The following ZMAT4 variants were observed in gnomAD, a reference collection of about 807,000 sequenced individuals.
ZMAT4 encodes the protein zinc finger matrin-type 4.
In ZMAT4, 17 loss-of-function variants were observed where a neutral mutation model predicts 28.7. The observed-to-expected ratio is 0.59, with a 90% confidence interval of 0.41 to 0.89. The LOEUF (loss-of-function observed/expected upper bound fraction) is 0.89, where lower values mean the gene tolerates loss of function less well. Among genes scored for constraint, ZMAT4 ranks in the 40% least tolerant of loss-of-function variants. The pLI, the probability that ZMAT4 is intolerant of heterozygous loss-of-function variation, is 0.00. For synonymous variants in ZMAT4, 117 were observed against 109.2 expected, an observed-to-expected ratio of 1.07 and a Z score of -0.44; for missense variants, 240 against 283.8, an observed-to-expected ratio of 0.85 and a Z score of 1.11.
At chr8:40,631,205 C>A (rs949011242) in intron 5 of ZMAT4, among the ~76,000 whole-genome samples, 1 of 152,166 alleles carries the variant, frequency 6.6e-6, no homozygotes, top group Non-Finnish European at 1.5e-5. Context: ...CAGAGTCTCA[C>A]TCTCTCGCCC....
intron 1 of ZMAT4, among the ~76,000 whole-genome samples, chr8:40,873,666 G>T (rs1817940575): frequency 6.6e-6 from 1 of 152,170 alleles, no homozygotes; most frequent in South Asian, 2.1e-4. Context: ...TGCCTGCCAT[G>T]CTCTGCCCAT....
At chr8:40,651,610 G>A (rs1469000001) in intron 5 of ZMAT4, among the ~76,000 whole-genome samples, 62 of 147,522 alleles carry the variant, frequency 4.2e-4, no homozygotes, top group African/African-American at 1.2e-3. Flanking sequence ...AAAAGAGCCC[G>A]CATCGCCAAG....
intron 1 of ZMAT4, among the ~76,000 whole-genome samples, chr8:40,838,060 G>A (rs1053985203): frequency 6.6e-6 from 1 of 152,226 alleles, no homozygotes; most frequent in East Asian, 1.9e-4. Context: ...AAGTCGCAGG[G>A]TCTTGTCACC....
At chr8:40,738,276 A>G (rs1354084766) in intron 3 of ZMAT4, among the ~76,000 whole-genome samples, 1 of 152,186 alleles carries the variant, frequency 6.6e-6, no homozygotes, top group Non-Finnish European at 1.5e-5. Flanking sequence ...ACATTTCTTG[A>G]GAAAATGACT....
At chr8:40,739,769 T>C (rs567268505) in intron 3 of ZMAT4, among the ~76,000 whole-genome samples, 37 of 152,122 alleles carry the variant, frequency 2.4e-4, no homozygotes, top group African/African-American at 8.9e-4. Flanking sequence ...ATGCATTAGG[T>C]GTTTGTCCTA....
At chr8:40,581,755 C>T (rs776048096) in intron 5 of ZMAT4, among the ~76,000 whole-genome samples, 8 of 152,150 alleles carry the variant, frequency 5.3e-5, no homozygotes, top group Non-Finnish European at 8.8e-5. Flanking sequence ...GAGAATAATA[C>T]ATCAATCTGG....
At chr8:40,640,940 T>A (rs1372832455) in intron 5 of ZMAT4, among the ~76,000 whole-genome samples, 5 of 137,226 alleles carry the variant, frequency 3.6e-5, no homozygotes, top group African/African-American at 1.4e-4. Flanking sequence ...GCCTGGTTGA[T>A]GGGGGAGACT....
At chr8:40,641,074 A>T (rs1195129569) in intron 5 of ZMAT4, among the ~76,000 whole-genome samples, 1 of 152,208 alleles carries the variant, frequency 6.6e-6, no homozygotes, top group Middle Eastern at 3.2e-3. Context: ...TACAAACCAA[A>T]TTTCCTAAAC....
At chr8:40,690,123 A>G (rs1025031054) in intron 4 of ZMAT4, among the ~76,000 whole-genome samples, 3 of 152,176 alleles carry the variant, frequency 2.0e-5, no homozygotes, top group African/African-American at 7.2e-5. Flanking sequence ...ATTATGGCCA[A>G]AAGAATTCAG....
chr8:40,751,708 G>A lies in ZMAT4; in HGVS notation c.192+15933C>T, dbSNP rs201542347. On this transcript the variant is annotated intron_variant, in intron 3 of 6. Transcript: ENST00000297737. ...CAGCGATGACCAAGAGAGACAGCCA[G>A]TAAGAGGGCGGTTACAGAAGAAGAG... Among the ~76,000 whole-genome samples, 10 of 152,288 alleles carry A rather than the reference G, an allele frequency of 6.6e-5. No homozygotes were observed. In the East Asian group the frequency reaches 1.9e-3, roughly 29 times the overall value.
intron 5 of ZMAT4, among the ~76,000 whole-genome samples, chr8:40,662,011 C>T (rs562144924): frequency 1.3e-5 from 2 of 152,302 alleles, no homozygotes; most frequent in East Asian, 3.9e-4. Flanking sequence ...GAGTCTCACT[C>T]TGTCACCCAG....
chr8:40,744,959 G>T (rs2150538558), intron 3 of ZMAT4, among the ~76,000 whole-genome samples: 1 of 152,294 alleles, frequency 6.6e-6, no homozygotes, highest in East Asian at 1.9e-4. Context: ...CATAAGAAAG[G>T]CAATTCTGTT....
chr8:40,673,773 G>C (rs887731106), intron 5 of ZMAT4, among the ~76,000 whole-genome samples: 3 of 152,140 alleles, frequency 2.0e-5, no homozygotes, highest in Non-Finnish European at 1.5e-5. Flanking sequence ...ATCCACAGAA[G>C]TAATCCTCAC....
At chr8:40,653,854 C>T (rs559635579) in intron 5 of ZMAT4, among the ~76,000 whole-genome samples, 6 of 152,248 alleles carry the variant, frequency 3.9e-5, no homozygotes, top group Non-Finnish European at 8.8e-5. Context: ...TAACACCAAT[C>T]CTTCACAAAG....
At chr8:40,736,952 A>T (rs1444799609) in intron 3 of ZMAT4, among the ~76,000 whole-genome samples, 1 of 152,220 alleles carries the variant, frequency 6.6e-6, no homozygotes, top group South Asian at 2.1e-4. Context: ...CAGGGAATAG[A>T]GGTAGCTCTG....
chr8:40,630,262 G>A (rs903299020), intron 5 of ZMAT4, among the ~76,000 whole-genome samples: 4 of 152,124 alleles, frequency 2.6e-5, no homozygotes, highest in Admixed American at 2.0e-4. Flanking sequence ...TACTTCAAAT[G>A]TCTCTCCTGC....
chr8:40,804,417 T>C (rs1372091278), intron 2 of ZMAT4, among the ~76,000 whole-genome samples: 3 of 152,174 alleles, frequency 2.0e-5, no homozygotes, highest in Non-Finnish European at 2.9e-5. Flanking sequence ...GAAGTCCATT[T>C]TGAAAACAGA....
At chr8:40,888,075 T>C (rs1399122934) in intron 1 of ZMAT4, among the ~76,000 whole-genome samples, 1 of 152,120 alleles carries the variant, frequency 6.6e-6, no homozygotes, top group Non-Finnish European at 1.5e-5. Flanking sequence ...TCCACTTTTC[T>C]CAGCACCTAC....
chr8:40,821,131 T>A (rs764068989), intron 2 of ZMAT4, among the ~76,000 whole-genome samples: 17 of 151,940 alleles, frequency 1.1e-4, no homozygotes, highest in Non-Finnish European at 2.4e-4. Flanking sequence ...ACATATATCA[T>A]CTTTCTGCCC....
Sources: allele counts gnomAD v4.1 joint callset (sites outside exome capture counted in the v4.1 genomes callset), GRCh38; gene constraint gnomAD v4.1.1; transcripts MANE v1.5; gene names NCBI Gene and HGNC (gene_info 2026-07-23, HGNC 2026-07-21).